CPA6: variants seen among roughly 807,000 people sequenced by gnomAD.
CPA6 encodes the protein carboxypeptidase B.
Under a neutral mutation model 63.3 loss-of-function variants are expected in CPA6, and 58 were observed. That is an observed-to-expected ratio of 0.92 (90% CI 0.74 to 1.14). The LOEUF is 1.14. Ranked by LOEUF, CPA6 falls within the 50% of genes most tolerant of loss-of-function variation. The pLI, the probability that CPA6 is intolerant of heterozygous loss-of-function variation, is 0.00. For synonymous variants in CPA6, 185 were observed against 179.0 expected (o/e 1.03, Z -0.27); for missense variants, 565 against 526.6 (o/e 1.07, Z -0.71).
At chr8:67,447,095 T>C (rs534756555) in intron 8 of CPA6, among the ~76,000 whole-genome samples, 1 of 151,702 alleles carries the variant, frequency 6.6e-6, no homozygotes, top group Non-Finnish European at 1.5e-5. Context: ...TATACACACA[T>C]ATATATACAC....
intron 6 of CPA6, among the ~76,000 whole-genome samples, chr8:67,505,378 G>A (rs1267625454): frequency 6.6e-6 from 1 of 152,188 alleles, no homozygotes; most frequent in African/African-American, 2.4e-5. Flanking sequence ...AAATTTAGAT[G>A]TTGTAAAGAA....
intron 1 of CPA6, among the ~76,000 whole-genome samples, chr8:67,683,068 C>T (rs941241543): frequency 6.6e-6 from 1 of 152,210 alleles, no homozygotes; most frequent in Non-Finnish European, 1.5e-5. Context: ...TGGGTCCACC[C>T]GGGCTTCCCC....
At position 67,607,177 on chromosome 8, in the gene CPA6, CTTCT is replaced by C. The variant is rs1564021240; in HGVS notation, c.192+16995_192+16998del. On this transcript the variant is annotated intron_variant, in intron 2 of 10. Transcript: ENST00000297770. ...TCCTCTTCTTCTTCTTCCTCTTCTT[CTTCT>C]TCTTCTTCTTCTTCTTCTTCTTCTT... 3.7e-3 allele frequency among the ~76,000 whole-genome samples: 47 copies of C among 12,798 alleles called. 6 individuals carry two copies. The highest frequency in any genetic ancestry group is 0.015 in the African/African-American group (39 of 2,574). 8.4% of individuals were successfully genotyped at this position (12,798 alleles called of 152,430 possible). A position where few individuals can be genotyped will look rare whatever the true frequency, so the allele number is the denominator to read the frequency against.
chr8:67,541,346 A>G (rs1472386461), intron 2 of CPA6, among the ~76,000 whole-genome samples: 1 of 152,144 alleles, frequency 6.6e-6, no homozygotes, highest in Non-Finnish European at 1.5e-5. Context: ...AGTAAAAACT[A>G]AAAGGCAGAA....
chr8:67,573,891 C>CAAAAAAAAAAAA (rs34145304), intron 2 of CPA6, among the ~76,000 whole-genome samples: 2 of 33,494 alleles, frequency 6.0e-5, no homozygotes, highest in African/African-American at 1.1e-4. Flanking sequence ...GACTCCGTCT[C>CAAAAAAAAAAAA]AAAAAAAAAA....
At chr8:67,435,327 A>G (rs11784434) in intron 8 of CPA6, among the ~76,000 whole-genome samples, 39,466 of 151,074 alleles carry the variant, frequency 0.26, 6,386 homozygotes, top group African/African-American at 0.46. Flanking sequence ...TTCCCAGCTC[A>G]GGCAGATGGC....
At chr8:67,462,679 G>C (rs565693021) in intron 8 of CPA6, among the ~76,000 whole-genome samples, 1 of 152,184 alleles carries the variant, frequency 6.6e-6, no homozygotes, top group South Asian at 2.1e-4. Flanking sequence ...CTTTTAACAC[G>C]TAGAGCTGTG....
At chr8:67,580,624 G>C (rs887424341) in intron 2 of CPA6, among the ~76,000 whole-genome samples, 1 of 152,156 alleles carries the variant, frequency 6.6e-6, no homozygotes, top group African/African-American at 2.4e-5. Context: ...TCTTGAAATT[G>C]AGTGAGTGTA....
At chr8:67,516,814 T>C (rs1187932242) in intron 3 of CPA6, among the ~76,000 whole-genome samples, 1 of 152,120 alleles carries the variant, frequency 6.6e-6, no homozygotes, top group Admixed American at 6.6e-5. Context: ...TTTGAGACAG[T>C]GCAGACAGCC....
chr8:67,692,899 A>G (rs1483177889), intron 1 of CPA6, among the ~76,000 whole-genome samples: 7 of 152,238 alleles, frequency 4.6e-5, no homozygotes, highest in Admixed American at 4.6e-4. Context: ...ACATGTAGAC[A>G]TATATTCACT....
Position 67,506,841 on chromosome 8 carries a change from A to G in CPA6, c.582T>C (p.Gly194=), listed in dbSNP as rs369146059. The change falls in exon 6 of 11, where the codon GGT becomes GGC. Residue 194 remains glycine (G), a synonymous_variant. Coordinates refer to ENST00000297770, the MANE Select transcript of CPA6 (RefSeq NM_020361.5). ...RLKRAVWIDC[G]IHAREWIGPA... The stretch of plus-strand genomic sequence containing the variant: ...GACCAATCCATTCTCTTGCATGAAT[A>G]CCACAGTCTATCCAAACAGCTCTTT... 8 of 1,613,606 alleles carry G rather than the reference A, an allele frequency of 5.0e-6. No homozygotes were observed. The highest frequency in any genetic ancestry group is 6.8e-6 in the Non-Finnish European group (8 of 1,179,716).
chr8:67,436,861 C>G (rs186905451), intron 8 of CPA6, among the ~76,000 whole-genome samples: 3 of 152,242 alleles, frequency 2.0e-5, no homozygotes, highest in Non-Finnish European at 4.4e-5. Context: ...TGATAATTCT[C>G]TCCATAAACT....
chr8:67,449,766 C>CCTCCAT (rs1401798063), intron 8 of CPA6, among the ~76,000 whole-genome samples: 1 of 151,934 alleles, frequency 6.6e-6, no homozygotes, highest in Non-Finnish European at 1.5e-5. Context: ...TCCACCTCCA[C>CCTCCAT]CTCCATCAAA....
At chr8:67,467,420 C>T (rs1810950833) in intron 8 of CPA6, among the ~76,000 whole-genome samples, 2 of 152,166 alleles carry the variant, frequency 1.3e-5, no homozygotes, top group African/African-American at 2.4e-5. Flanking sequence ...CACAACTGGA[C>T]TCATGTTTTT....
intron 1 of CPA6, among the ~76,000 whole-genome samples, chr8:67,704,484 G>A (rs978923788): frequency 2.0e-5 from 3 of 152,236 alleles, no homozygotes; most frequent in Non-Finnish European, 4.4e-5. Flanking sequence ...ATATAGGCCA[G>A]CTGAAGGCTG....
intron 1 of CPA6, among the ~76,000 whole-genome samples, chr8:67,631,818 G>T (rs1173245791): frequency 6.6e-6 from 1 of 152,090 alleles, no homozygotes; most frequent in Non-Finnish European, 1.5e-5. Flanking sequence ...GAACCCACCG[G>T]GAGGAATGAA....
intron 8 of CPA6, among the ~76,000 whole-genome samples, chr8:67,448,679 AGAAAGAAAAAG>A (rs1810489262): frequency 6.8e-6 from 1 of 147,634 alleles, no homozygotes. Flanking sequence ...AGAAAAAAAA[AGAAAGAAAAAG>A]AAAAAAAAGA....
chr8:67,448,707 G>C (rs929809544), intron 8 of CPA6, among the ~76,000 whole-genome samples: 1 of 125,320 alleles, frequency 8.0e-6, no homozygotes, highest in Non-Finnish European at 1.7e-5. Flanking sequence ...AAGAAAGAAA[G>C]AAAAAGAAAA....
chr8:67,743,604 C>G (rs1215787446), intron 1 of CPA6, among the ~76,000 whole-genome samples: 1 of 152,108 alleles, frequency 6.6e-6, no homozygotes, highest in Non-Finnish European at 1.5e-5. Context: ...CCCTATTTCT[C>G]CCCAAATCTC....
Sources: gnomAD v4.1 joint callset for allele counts (sites outside exome capture counted in the v4.1 genomes callset) on GRCh38, gnomAD v4.1.1 for gene constraint, MANE v1.5 for transcripts, NCBI Gene and HGNC (gene_info 2026-07-23, HGNC 2026-07-21) for gene names.